Variants in SAMD12 observed in about 807,000 individuals in gnomAD.
SAMD12 encodes sterile alpha motif domain containing 12.
Under a neutral mutation model 15.0 loss-of-function variants are expected in SAMD12, and 9 were observed. The observed-to-expected ratio is 0.60, with a 90% CI of 0.36 to 1.05. The LOEUF is 1.05. Among genes scored for constraint, SAMD12 ranks in the 50% least tolerant of loss-of-function variants. The pLI, the probability that SAMD12 is intolerant of heterozygous loss-of-function variation, is 0.01. For missense variants in SAMD12, 230 were observed against 234.2 expected, an observed-to-expected ratio of 0.98 and a Z score of 0.12; for synonymous variants, 86 against 90.1, an observed-to-expected ratio of 0.96 and a Z score of 0.25.
intron 4 of SAMD12, among the ~76,000 whole-genome samples, chr8:118,313,415 T>C (rs1013462551): frequency 5.9e-5 from 9 of 152,176 alleles, no homozygotes; most frequent in Admixed American, 1.3e-4. Context: ...AGTGGTCGTT[T>C]TGGAGTTCCT....
chr8:118,441,329 C>T (rs1822755834), intron 2 of SAMD12, among the ~76,000 whole-genome samples: 1 of 152,056 alleles, frequency 6.6e-6, no homozygotes, highest in Non-Finnish European at 1.5e-5. Context: ...AAAGACACAA[C>T]TATCCCTTGG....
chr8:118,468,301 G>A (rs941654379), intron 2 of SAMD12, among the ~76,000 whole-genome samples: 12 of 151,720 alleles, frequency 7.9e-5, no homozygotes, highest in African/African-American at 2.7e-4. Context: ...AGGAGAGATG[G>A]GTTTTTTTGC....
chr8:118,600,019 G>A (rs1197392532), intron 1 of SAMD12, among the ~76,000 whole-genome samples: 2 of 152,174 alleles, frequency 1.3e-5, no homozygotes, highest in Non-Finnish European at 2.9e-5. Flanking sequence ...GCCTGGTAGA[G>A]TTGGATTGGG....
At chr8:118,536,550 G>A (rs745324481) in intron 2 of SAMD12, among the ~76,000 whole-genome samples, 2 of 151,572 alleles carry the variant, frequency 1.3e-5, no homozygotes, top group African/African-American at 4.9e-5. Flanking sequence ...TCCACTTGAG[G>A]TTATCATGAG....
chr8:118,589,856 A>G (rs1344487980), intron 1 of SAMD12, among the ~76,000 whole-genome samples: 1 of 152,202 alleles, frequency 6.6e-6, no homozygotes, highest in Non-Finnish European at 1.5e-5. Flanking sequence ...ATTTTTTTAA[A>G]TAAAGTAGTT....
intron 3 of SAMD12, among the ~76,000 whole-genome samples, chr8:118,426,806 C>A (rs930919193): frequency 1.3e-5 from 2 of 152,062 alleles, no homozygotes; most frequent in East Asian, 1.9e-4. Flanking sequence ...ATTTTGAAAT[C>A]GTGAGTATTT....
At chr8:118,224,337 G>A (rs1812141635) in intron 4 of SAMD12, among the ~76,000 whole-genome samples, 1 of 152,040 alleles carries the variant, frequency 6.6e-6, no homozygotes, top group Non-Finnish European at 1.5e-5. Flanking sequence ...AAAACCACTT[G>A]GCATGCAAAT....
chr8:118,157,887 A>G, the SAMD12 span, among the ~76,000 whole-genome samples: 3 of 152,206 alleles, frequency 2.0e-5, no homozygotes, highest in African/African-American at 7.2e-5. Context: ...ACATCAGACA[A>G]TGAAGAGCAG....
chr8:118,444,286 A>G (rs1228742918), intron 2 of SAMD12, among the ~76,000 whole-genome samples: 2 of 151,984 alleles, frequency 1.3e-5, no homozygotes, highest in Admixed American at 6.5e-5. Context: ...TGAATTTACA[A>G]CCCTGGAGAC....
intron 4 of SAMD12, among the ~76,000 whole-genome samples, chr8:118,364,347 T>C (rs764063933): frequency 3.3e-5 from 5 of 152,122 alleles, no homozygotes; most frequent in Admixed American, 6.6e-5. Context: ...CTTTCTTAGG[T>C]CTTGAAGACA....
At chr8:118,349,805 T>C (rs549787701) in intron 4 of SAMD12, among the ~76,000 whole-genome samples, 5 of 152,144 alleles carry the variant, frequency 3.3e-5, no homozygotes, top group Non-Finnish European at 7.4e-5. Context: ...GTACCTGTTT[T>C]CACAGTACAG....
intron 2 of SAMD12, among the ~76,000 whole-genome samples, chr8:118,572,071 T>C (rs1261376187): frequency 6.6e-6 from 1 of 152,172 alleles, no homozygotes; most frequent in African/African-American, 2.4e-5. Flanking sequence ...CCCAAGACCA[T>C]GGGAACCCAC....
chr8:118,341,061 ACCT>A (rs1817340203), intron 4 of SAMD12, among the ~76,000 whole-genome samples: 1 of 152,050 alleles, frequency 6.6e-6, no homozygotes. Context: ...TTATGACATC[ACCT>A]CATGGGGATG....
chr8:118,493,041 A>G (rs1254355041), intron 2 of SAMD12, among the ~76,000 whole-genome samples: 1 of 152,200 alleles, frequency 6.6e-6, no homozygotes, highest in Non-Finnish European at 1.5e-5. Context: ...AACAGAGGAC[A>G]TGAATAACCA....
intron 2 of SAMD12, among the ~76,000 whole-genome samples, chr8:118,465,555 C>A (rs960574028): frequency 2.0e-5 from 3 of 152,130 alleles, no homozygotes; most frequent in African/African-American, 7.2e-5. Flanking sequence ...TGACTTCGGA[C>A]ACACACACAG....
At chr8:118,278,452 A>T (rs1813523757) in intron 4 of SAMD12, among the ~76,000 whole-genome samples, 1 of 152,212 alleles carries the variant, frequency 6.6e-6, no homozygotes, top group Non-Finnish European at 1.5e-5. Flanking sequence ...CTGAATGTGA[A>T]TATTTAAAGT....
the SAMD12 span, among the ~76,000 whole-genome samples, chr8:118,164,975 A>ATGTGTGTGTGTGTGTGTG: frequency 1.4e-4 from 20 of 144,124 alleles, no homozygotes; most frequent in African/African-American, 5.1e-4. Context: ...CTGACACTAG[A>ATGTGTGTGTGTGTGTGTG]TGTGTGTGTG....
At chr8:118,324,771 G>A (rs935887433) in intron 4 of SAMD12, among the ~76,000 whole-genome samples, 2 of 152,156 alleles carry the variant, frequency 1.3e-5, no homozygotes, top group Admixed American at 6.5e-5. Context: ...GGGACCGCAA[G>A]TGATTCTATA....
At chr8:118,319,766 C>A (rs1816134960) in intron 4 of SAMD12, among the ~76,000 whole-genome samples, 1 of 151,982 alleles carries the variant, frequency 6.6e-6, no homozygotes, top group African/African-American at 2.4e-5. Flanking sequence ...AGGCTGATGG[C>A]AATAATCAAA....
Sources: allele counts gnomAD v4.1 joint callset (sites outside exome capture counted in the v4.1 genomes callset), GRCh38; gene constraint gnomAD v4.1.1; transcripts MANE v1.5; gene names NCBI Gene and HGNC (gene_info 2026-07-23, HGNC 2026-07-21).